Variants in LOC128462377 observed in about 807,000 individuals in gnomAD.
the LOC128462377 span, among the ~76,000 whole-genome samples, chr16:89,328,511 G>T: frequency 6.6e-6 from 1 of 152,260 alleles, no homozygotes; most frequent in Non-Finnish European, 1.5e-5. Context: ...AGCAGTAAAA[G>T]GGATGGCTAT....
the LOC128462377 span, among the ~76,000 whole-genome samples, chr16:89,351,115 A>G: frequency 6.6e-6 from 1 of 152,216 alleles, no homozygotes; most frequent in East Asian, 1.9e-4. Flanking sequence ...AGAAGCTCTC[A>G]GAGAGAATGC....
chr16:89,377,163 T>C, the LOC128462377 span, among the ~76,000 whole-genome samples: 1 of 152,184 alleles, frequency 6.6e-6, no homozygotes, highest in Non-Finnish European at 1.5e-5. Context: ...CAACGTGGTC[T>C]TCCTGTCCCC....
chr16:89,325,743 A>T, the LOC128462377 span, among the ~76,000 whole-genome samples: 1 of 152,210 alleles, frequency 6.6e-6, no homozygotes, highest in African/African-American at 2.4e-5. Context: ...CAGCTGAAGC[A>T]GTCTTTCAGA....
chr16:89,409,028 C>G, the LOC128462377 span, among the ~76,000 whole-genome samples: 1 of 152,218 alleles, frequency 6.6e-6, no homozygotes, highest in Non-Finnish European at 1.5e-5. Flanking sequence ...AAAAGAGCCA[C>G]AGCCACAGCA....
chr16:89,384,879 C>CTTTTTTTTTTTTTTTTTTTTTTTTTT, the LOC128462377 span, among the ~76,000 whole-genome samples: 63 of 49,940 alleles, frequency 1.3e-3, 13 homozygotes, highest in Non-Finnish European at 1.5e-3. Context: ...AAATAGTTTT[C>CTTTTTTTTTTTTTTTTTTTTTTTTTT]TTTTTTTTTT....
At chr16:89,346,573 A>C in the LOC128462377 span, among the ~76,000 whole-genome samples, 1 of 152,252 alleles carries the variant, frequency 6.6e-6, no homozygotes, top group South Asian at 2.1e-4. Flanking sequence ...AGTGCAGTTC[A>C]GATGGGAGGA....
chr16:89,366,260 T>G, the LOC128462377 span, among the ~76,000 whole-genome samples: 2 of 152,168 alleles, frequency 1.3e-5, no homozygotes, highest in Non-Finnish European at 2.9e-5. Flanking sequence ...ATTCCATGTC[T>G]TCTTCTGTGA....
the LOC128462377 span, among the ~76,000 whole-genome samples, chr16:89,403,302 C>A: frequency 6.6e-6 from 1 of 152,162 alleles, no homozygotes; most frequent in South Asian, 2.1e-4. Context: ...TCCTGTGTGG[C>A]CTGCTCCCCC....
At chr16:89,363,741 G>T in the LOC128462377 span, among the ~76,000 whole-genome samples, 59 of 152,138 alleles carry the variant, frequency 3.9e-4, 1 homozygote, top group Admixed American at 1.3e-4. Context: ...GAAGAACACG[G>T]GCCTGCAGGT....
the LOC128462377 span, among the ~76,000 whole-genome samples, chr16:89,347,939 T>C: frequency 1.3e-5 from 2 of 151,918 alleles, no homozygotes; most frequent in Non-Finnish European, 2.9e-5. Flanking sequence ...TATGGGATTT[T>C]GTCTTTTTTT....
At chr16:89,336,623 G>A in the LOC128462377 span, among the ~76,000 whole-genome samples, 1 of 152,134 alleles carries the variant, frequency 6.6e-6, no homozygotes, top group South Asian at 2.1e-4. Flanking sequence ...TTGTAAGGAC[G>A]GAAAGCCACC....
the LOC128462377 span, among the ~76,000 whole-genome samples, chr16:89,336,368 G>T: frequency 6.6e-6 from 1 of 152,182 alleles, no homozygotes; most frequent in African/African-American, 2.4e-5. Context: ...GCGGGTGTGC[G>T]TCCACAGACA....
At chr16:89,375,277 A>G in the LOC128462377 span, among the ~76,000 whole-genome samples, 17 of 152,194 alleles carry the variant, frequency 1.1e-4, no homozygotes, top group Non-Finnish European at 2.4e-4. Context: ...GAAATTGTGT[A>G]TCACAGTAAA....
chr16:89,379,567 C>T, the LOC128462377 span, among the ~76,000 whole-genome samples: 788 of 152,328 alleles, frequency 5.2e-3, 3 homozygotes, highest in Admixed American at 0.012. Flanking sequence ...CAGCCTCAAC[C>T]TCCTGGGCTC....
At chr16:89,320,818 G>A in the LOC128462377 span, among the ~76,000 whole-genome samples, 9 of 152,366 alleles carry the variant, frequency 5.9e-5, no homozygotes, top group South Asian at 1.2e-3. Context: ...GGGAACAGCC[G>A]TCCTTGCCCT....
At chr16:89,382,190 G>T in the LOC128462377 span, among the ~76,000 whole-genome samples, 1 of 152,042 alleles carries the variant, frequency 6.6e-6, no homozygotes, top group East Asian at 1.9e-4. Context: ...TGGAGCCCTT[G>T]AACCCATCAA....
the LOC128462377 span, among the ~76,000 whole-genome samples, chr16:89,387,285 G>A: frequency 3.3e-5 from 5 of 151,744 alleles, no homozygotes; most frequent in South Asian, 2.1e-4. Context: ...AGTGCCCCTC[G>A]AACAGAAGGA....
At chr16:89,404,102 G>A in the LOC128462377 span, among the ~76,000 whole-genome samples, 1 of 152,122 alleles carries the variant, frequency 6.6e-6, no homozygotes, top group Non-Finnish European at 1.5e-5. Context: ...CTGCTAGCCC[G>A]GCACATGATT....
chr16:89,370,925 C>A, the LOC128462377 span, among the ~76,000 whole-genome samples: 3 of 152,156 alleles, frequency 2.0e-5, no homozygotes, highest in Admixed American at 6.5e-5. Flanking sequence ...CCTGCAGGCG[C>A]CACGAGACGC....
Sources: allele counts gnomAD v4.1 joint callset (sites outside exome capture counted in the v4.1 genomes callset), GRCh38; gene constraint gnomAD v4.1.1; transcripts MANE v1.5.